The following CT45A7 variants were observed in gnomAD, a reference collection of about 807,000 sequenced individuals.
CT45A7 encodes the protein cancer/testis antigen family 45 member A7.
intron 1 of CT45A7, among the ~76,000 whole-genome samples, chrX:135,835,789 AC>A (rs2088259433): frequency 2.1e-5 from 1 of 48,609 alleles, no homozygotes; most frequent in Non-Finnish European, 4.3e-5. Context: ...CTGAAAAGGA[AC>A]TTCATAAAAG....
rs1227805553 is a variant in CT45A7, at chrX:135,835,861, AT to A, written c.-7+1180del. The stretch of plus-strand genomic sequence containing the variant: ...GCTAAAAAAAAAAAAAAAGAAAACA[AT>A]AAATAGCTGGGTGTGGTGGCACTGC... On this transcript the variant is annotated intron_variant, in intron 1 of 4. Coordinates refer to ENST00000610598, the MANE Select transcript of CT45A7 (RefSeq NM_001394668.1). Among the ~76,000 whole-genome samples the A allele has an allele frequency of 1.6e-4, 9 of 57,819 alleles. No individual in the cohort carries two copies. In the East Asian group the frequency reaches 7.0e-3, roughly 45 times the overall value. The allele number at this position is 57,819 out of a possible 115,157, so 50.2% of individuals were successfully genotyped here. A position where few individuals can be genotyped will look rare whatever the true frequency, so the allele number is the denominator to read the frequency against.
intron 1 of CT45A7, among the ~76,000 whole-genome samples, chrX:135,834,955 CA>C (rs1267746851): frequency 2.5e-4 from 1 of 4,017 alleles, no homozygotes; most frequent in Non-Finnish European, 5.4e-4. Context: ...CATTGGAAGA[CA>C]TTTTTTTTTT....
chrX:135,836,055 GACT>G (rs2088260845), intron 1 of CT45A7, among the ~76,000 whole-genome samples: 1 of 53,117 alleles, frequency 1.9e-5, no homozygotes, highest in Non-Finnish European at 4.0e-5. Flanking sequence ...TGGAATGAAA[GACT>G]AACTGTACTG....
chrX:135,834,277 TAAC>T lies in CT45A7; in HGVS notation c.-6-741_-6-739del, dbSNP rs1410771567. Among the ~76,000 whole-genome samples, 3 of 1,043 alleles carry T rather than the reference TAAC, an allele frequency of 2.9e-3. 1 individual carries two copies. The highest frequency in any genetic ancestry group is 3.2e-3 in the African/African-American group (3 of 951). The allele number at this position is 1,043 out of a possible 115,157, so 0.9% of individuals were successfully genotyped here. On this transcript the variant is annotated intron_variant, in intron 1 of 4. Transcript: ENST00000610598. Reference sequence around the variant, plus strand: ...AATCGACAAATGTAGTGCACCACATTAACAACAACAACAACAACAACAACAAAA... The same window carrying T: ...AATCGACAAATGTAGTGCACCACATTAACAACAACAACAACAACAACAAAA...
At chrX:135,834,956 A>ATT (rs1229180815) in intron 1 of CT45A7, among the ~76,000 whole-genome samples, 3 of 3,262 alleles carry the variant, frequency 9.2e-4, no homozygotes, top group Non-Finnish European at 2.2e-3. Flanking sequence ...ATTGGAAGAC[A>ATT]TTTTTTTTTT....
chrX:135,835,881 G>GCA (rs1286485161), intron 1 of CT45A7, among the ~76,000 whole-genome samples: 5 of 46,130 alleles, frequency 1.1e-4, no homozygotes, highest in Admixed American at 3.2e-4. Context: ...GGGTGTGGTG[G>GCA]CACTGCAATC....
Sources: allele counts gnomAD v4.1 joint callset (sites outside exome capture counted in the v4.1 genomes callset), GRCh38; gene constraint gnomAD v4.1.1; transcripts MANE v1.5; gene names NCBI Gene and HGNC (gene_info 2026-07-23, HGNC 2026-07-21).